The following YEATS2 variants were observed in gnomAD, a reference collection of about 807,000 sequenced individuals.
The protein encoded by YEATS2 is YEATS domain containing 2.
In YEATS2, 77 loss-of-function variants were observed where a neutral mutation model predicts 163.2. The observed-to-expected ratio is 0.47, with a 90% CI of 0.39 to 0.57. The LOEUF (loss-of-function observed/expected upper bound fraction) is 0.57. Among genes scored for constraint, YEATS2 ranks in the 20% least tolerant of loss-of-function variants. The pLI, the probability that YEATS2 is intolerant of heterozygous loss-of-function variation, is 0.00. For missense variants in YEATS2, 1,549 were observed against 1,729.8 expected, an observed-to-expected ratio of 0.90 and a Z score of 1.85; for synonymous variants, 631 against 645.1, an observed-to-expected ratio of 0.98 and a Z score of 0.33.
At position 183,776,116 on chromosome 3, in the gene YEATS2, C is replaced by A; in HGVS notation, c.2570C>A (p.Thr857Asn). 6.4e-7 allele frequency: 1 copy of A among 1,567,762 alleles called. No individual in the cohort carries two copies. Among genetic ancestry groups the A allele is most frequent in the Non-Finnish European group, 8.6e-7 (1 of 1,158,260 alleles). The change falls in exon 18 of 31, where the codon ACT becomes AAT. Residue 857 changes from threonine (T) to asparagine (N), a missense_variant. By Grantham distance (65) the Thr-to-Asn change is moderately conservative. Transcript: ENST00000305135. ...LTYTSYILKQTPQGTFLVGQP... is the reference protein window; with the variant it reads ...LTYTSYILKQNPQGTFLVGQP... ...TACACATCTTACATCCTCAAGCAAA[C>A]TCCCCAGGTCTGGTTCTCTGTAACT...
At chr3:183,774,342 C>T (rs925308972) in intron 17 of YEATS2, among the ~76,000 whole-genome samples, 4 of 152,054 alleles carry the variant, frequency 2.6e-5, no homozygotes, top group Admixed American at 6.5e-5. Context: ...ACTGTGCATG[C>T]GAGGGATCTA....
intron 19 of YEATS2, among the ~76,000 whole-genome samples, chr3:183,782,203 G>A (rs1384300312): frequency 6.6e-6 from 1 of 151,916 alleles, no homozygotes; most frequent in Non-Finnish European, 1.5e-5. Flanking sequence ...TCTGCCTCCC[G>A]GGTTCAAGCG....
rs756315923 is a variant in YEATS2 at position 183,758,930 on chromosome 3, A to G, written c.1621A>G (p.Ile541Val). 2 of 1,593,576 alleles carry G rather than the reference A, an allele frequency of 1.3e-6. No homozygotes were observed. Among genetic ancestry groups the G allele is most frequent in the Admixed American group, 1.8e-5 (1 of 54,166 alleles). ...SQGTGSPVPK[I>V]HGSSFVTSTV... Reference sequence around the variant, plus strand: ...AGGAACAGGTTCCCCTGTTCCTAAAATTCATGGAAGTAGTTTTGTAACATC... The same window carrying G: ...AGGAACAGGTTCCCCTGTTCCTAAAGTTCATGGAAGTAGTTTTGTAACATC... Residue 541 changes from isoleucine (I) to valine (V), a missense_variant, in exon 13 of 31, where the codon ATT becomes GTT. Physicochemically the swap from Ile to Val is conservative, Grantham distance 29. Coordinates refer to ENST00000305135, the MANE Select transcript of YEATS2 (RefSeq NM_018023.5).
Position 183,773,713 on chromosome 3 carries a change from A to G in YEATS2, c.2287A>G (p.Thr763Ala). 1 of 1,613,740 alleles carries G rather than the reference A, an allele frequency of 6.2e-7. No individual in the cohort carries two copies. Among genetic ancestry groups the G allele is most frequent in the Non-Finnish European group, 8.5e-7 (1 of 1,179,900 alleles). Residue 763 changes from threonine (T) to alanine (A), a missense_variant, in exon 17 of 31, where the codon ACA (threonine) becomes GCA (alanine). Transcript: ENST00000305135. Reference protein sequence around the residue: ...LPPGTKLYLTTNSKNPSGKGK... With the variant: ...LPPGTKLYLTANSKNPSGKGK... ...TCCTGGCACTAAACTCTACCTAACT[A>G]CAAACAGCAAGAACCCTTCAGGAAA...
At position 183,711,814 on chromosome 3, in the gene YEATS2, GT is replaced by G. The variant is rs34498145; in HGVS notation, c.-19-3318del. 7.2e-3 allele frequency among the ~76,000 whole-genome samples: 1,048 copies of G among 145,776 alleles called. 11 individuals are homozygous for G. The highest frequency in any genetic ancestry group is 0.023 in the African/African-American group (926 of 39,976). On this transcript the variant is annotated intron_variant, in intron 1 of 30. Transcript: ENST00000305135. ...GAGCTGAGGGACTTTTAAATAGTGT[GT>G]TTTTTTTTTTTCTTTGTTTTTTGAG...
At chr3:183,753,192 A>G (rs769542160) in intron 10 of YEATS2, among the ~76,000 whole-genome samples, 2 of 152,202 alleles carry the variant, frequency 1.3e-5, no homozygotes, top group Non-Finnish European at 2.9e-5. Flanking sequence ...AAACTTGGAT[A>G]TTAAATACCT....
At chr3:183,788,069 A>C (rs1724236181) in intron 20 of YEATS2, among the ~76,000 whole-genome samples, 1 of 152,206 alleles carries the variant, frequency 6.6e-6, no homozygotes, top group African/African-American at 2.4e-5. Context: ...GGTACATGTG[A>C]TGTTTTGATG....
chr3:183,782,330 A>C (rs1723648970), intron 19 of YEATS2, among the ~76,000 whole-genome samples: 1 of 151,902 alleles, frequency 6.6e-6, no homozygotes, highest in African/African-American at 2.4e-5. Flanking sequence ...GCTGGTCTCG[A>C]ACTCCTGACC....
intron 2 of YEATS2, among the ~76,000 whole-genome samples, chr3:183,716,390 A>G (rs1450677569): frequency 6.6e-6 from 1 of 152,216 alleles, no homozygotes; most frequent in Non-Finnish European, 1.5e-5. Context: ...GCAGTTCCAC[A>G]TAGGATCCGT....
chr3:183,766,106 A>G (rs966794714), intron 15 of YEATS2, among the ~76,000 whole-genome samples: 1 of 152,226 alleles, frequency 6.6e-6, no homozygotes, highest in African/African-American at 2.4e-5. Flanking sequence ...CTGAGGAATA[A>G]GTAGTTCCAT....
intron 15 of YEATS2, among the ~76,000 whole-genome samples, chr3:183,762,710 T>C (rs146929236): frequency 1.3e-5 from 2 of 152,034 alleles, no homozygotes; most frequent in African/African-American, 4.8e-5. Flanking sequence ...TTTTTTTTTT[T>C]AATAATTTGG....
chr3:183,733,804 A>AC (rs1366017019), intron 7 of YEATS2, among the ~76,000 whole-genome samples: 1 of 150,446 alleles, frequency 6.6e-6, no homozygotes, highest in Admixed American at 6.6e-5. Flanking sequence ...TGTCAGGACG[A>AC]CCCTTAGCCA....
intron 4 of YEATS2, among the ~76,000 whole-genome samples, chr3:183,719,886 T>C (rs1038134380): frequency 1.3e-5 from 2 of 152,210 alleles, no homozygotes; most frequent in Non-Finnish European, 2.9e-5. Flanking sequence ...AGATTTAAAA[T>C]GGTCCTCCTA....
At chr3:183,701,088 T>TA (rs1210649200) in intron 1 of YEATS2, among the ~76,000 whole-genome samples, 1 of 150,744 alleles carries the variant, frequency 6.6e-6, no homozygotes, top group African/African-American at 2.4e-5. Flanking sequence ...TATATAAATT[T>TA]TTTTTTTTTT....
At chr3:183,780,379 C>T (rs753443991) in intron 19 of YEATS2, among the ~76,000 whole-genome samples, 8 of 152,204 alleles carry the variant, frequency 5.3e-5, no homozygotes, top group Non-Finnish European at 1.0e-4. Flanking sequence ...GCTTATCTAG[C>T]GTTTTTCCAC....
chr3:183,784,444 T>C (rs1050307954), intron 19 of YEATS2, among the ~76,000 whole-genome samples: 1 of 152,228 alleles, frequency 6.6e-6, no homozygotes, highest in Non-Finnish European at 1.5e-5. Context: ...GGTTTATTTA[T>C]AATGAGGTTT....
At chr3:183,781,387 C>G (rs1049399876) in intron 19 of YEATS2, among the ~76,000 whole-genome samples, 2 of 152,166 alleles carry the variant, frequency 1.3e-5, no homozygotes, top group South Asian at 4.1e-4. Context: ...AGAGAATTCG[C>G]CCATTGTCCG....
intron 27 of YEATS2, 116 bp from the exon 28 acceptor site, chr3:183,806,747 AAAG>A: frequency 2.0e-6 from 2 of 978,590 alleles, no homozygotes; most frequent in Non-Finnish European, 3.0e-6. Context: ...TTAGAACTGG[AAAG>A]AAGGTCAGCT....
chr3:183,754,978 A>G (rs1045568039), intron 11 of YEATS2, among the ~76,000 whole-genome samples: 25 of 152,242 alleles, frequency 1.6e-4, no homozygotes, highest in Non-Finnish European at 3.5e-4. Context: ...GCAATTGGAA[A>G]TAACCAGGAA....
Sources: allele counts gnomAD v4.1 joint callset (sites outside exome capture counted in the v4.1 genomes callset), GRCh38; gene constraint gnomAD v4.1.1; transcripts MANE v1.5; gene names NCBI Gene and HGNC (gene_info 2026-07-23, HGNC 2026-07-21).